Variants in STAT3 observed in about 807,000 individuals in gnomAD.
STAT3 encodes DNA-binding protein APRF.
Under a neutral mutation model 114.3 loss-of-function variants are expected in STAT3, and 7 were observed. That is an observed-to-expected ratio of 0.06 (90% CI 0.03 to 0.11). STAT3 has a LOEUF of 0.11. Ranked by LOEUF, STAT3 falls within the 10% of genes least tolerant of loss-of-function variation. STAT3 has a pLI of 1.00. For synonymous variants in STAT3, 331 were observed against 354.5 expected, an observed-to-expected ratio of 0.93 and a Z score of 0.74; for missense variants, 364 against 960.9, an observed-to-expected ratio of 0.38 and a Z score of 8.21.
chr17:42,318,126 C>CTT (rs57273112), intron 21 of STAT3, among the ~76,000 whole-genome samples: 67 of 146,932 alleles, frequency 4.6e-4, no homozygotes, highest in East Asian at 7.9e-4. Context: ...TAATTTTTGT[C>CTT]TTTTTTTTTT....
intron 4 of STAT3, among the ~76,000 whole-genome samples, chr17:42,342,283 G>A (rs2082474137): frequency 6.6e-6 from 1 of 152,088 alleles, no homozygotes; most frequent in South Asian, 2.1e-4. Context: ...AGGAGTTTGA[G>A]ACCAGCCTGG....
chr17:42,318,126 C>CT (rs57273112), intron 21 of STAT3, among the ~76,000 whole-genome samples: 27,497 of 146,776 alleles, frequency 0.19, 2,690 homozygotes, highest in East Asian at 0.36. Context: ...TAATTTTTGT[C>CT]TTTTTTTTTT....
chr17:42,379,442 C>A (rs2084654986), intron 1 of STAT3, among the ~76,000 whole-genome samples: 1 of 152,190 alleles, frequency 6.6e-6, no homozygotes, highest in African/African-American at 2.4e-5. Flanking sequence ...CCAACTAACT[C>A]ATACACATGT....
rs895801743 is a variant in STAT3 at position 42,337,827 on chromosome 17, G to A, written c.581C>T (p.Ser194Leu). ...DMQDLNGNNQ[S>L]VTRQKMQQLE... Reference sequence around the variant, plus strand: ...CTGCTGCATCTTCTGCCTGGTCACTGACTGGTTGTTTCCATTCAGATCTTG... The same window carrying A: ...CTGCTGCATCTTCTGCCTGGTCACTAACTGGTTGTTTCCATTCAGATCTTG... The change falls in exon 7 of 24, where the codon TCA becomes TTA. Residue 194 changes from serine (S) to leucine (L), a missense_variant. By Grantham distance (145) the Ser-to-Leu change is moderately radical. Around this residue, in one of 5 missense-constraint regions of STAT3, gnomAD observed 294 missense variants for 745.1 expected, o/e 0.39. Coordinates refer to ENST00000264657, the MANE Select transcript of STAT3 (RefSeq NM_139276.3). The surrounding 1 kb of genome is among the most constrained non-coding windows in gnomAD (Gnocchi z 4.0). 5.0e-6 allele frequency: 8 copies of A among 1,614,048 alleles called. No individual in the cohort carries two copies. The highest frequency in any genetic ancestry group is 5.9e-6 in the Non-Finnish European group (7 of 1,180,056).
intron 8 of STAT3, 113 bp from the exon 9 acceptor site, chr17:42,334,162 T>A: frequency 6.4e-6 from 8 of 1,256,366 alleles, no homozygotes; most frequent in Non-Finnish European, 9.0e-6. Context: ...GAACAAGGAA[T>A]TTTTTTATTG....
Position 42,324,656 on chromosome 17 carries a change from G to A in STAT3, c.1600+55C>T. On this transcript the variant is annotated intron_variant, in intron 17 of 23. Transcript: ENST00000264657. This position sits in a 1 kb window ranked among gnomAD's most constrained non-coding sequence, Gnocchi z 4.5. Reference sequence around the variant, plus strand: ...ATGGCCCAAATGAACAGCCCTATGGGCCGGATCCCTTTTCTGGGCGGGTGG... The same window carrying A: ...ATGGCCCAAATGAACAGCCCTATGGACCGGATCCCTTTTCTGGGCGGGTGG... The A allele has an allele frequency of 9.2e-6, 14 of 1,521,470 alleles. No homozygotes were observed. Among genetic ancestry groups the A allele is most frequent in the Non-Finnish European group, 1.2e-5 (14 of 1,135,950 alleles). 94.2% of individuals were successfully genotyped at this position (1,521,470 alleles called of 1,614,324 possible).
chr17:42,366,777 A>G (rs771820027), intron 1 of STAT3, among the ~76,000 whole-genome samples: 4 of 151,662 alleles, frequency 2.6e-5, no homozygotes, highest in Non-Finnish European at 4.4e-5. Context: ...TAGCTGGACT[A>G]GGCTAACTGG....
chr17:42,329,497 C>G (rs2144769371), intron 13 of STAT3, 40 bp from the exon 14 acceptor site: 1 of 1,614,204 alleles, frequency 6.2e-7, no homozygotes, highest in South Asian at 1.1e-5. Flanking sequence ...GTGAGGCTCT[C>G]CCTAGCCCTC....
rs17878412 is a variant in STAT3 at position 42,327,464 on chromosome 17, C to T, written c.1282-1265G>A. 3.8e-3 allele frequency among the ~76,000 whole-genome samples: 571 copies of T among 152,214 alleles called. 3 individuals are homozygous for T. Among genetic ancestry groups the T allele is most frequent in the African/African-American group, 0.013 (546 of 41,524 alleles). On this transcript the variant is annotated intron_variant, in intron 14 of 23. Coordinates refer to ENST00000264657, the MANE Select transcript of STAT3 (RefSeq NM_139276.3). ...TGCAGTGTATTCCTTTTCACAGCTG[C>T]GGAGTATTCCATTGTGTCTATACCA...
intron 17 of STAT3, 69 bp from the exon 18 acceptor site, chr17:42,323,694 G>C: frequency 6.9e-7 from 1 of 1,438,964 alleles, no homozygotes; most frequent in Non-Finnish European, 9.7e-7. Context: ...TCTTAAAACA[G>C]AACACACACA....
intron 21 of STAT3, among the ~76,000 whole-genome samples, chr17:42,317,900 C>T (rs1465370609): frequency 6.6e-6 from 1 of 152,176 alleles, no homozygotes; most frequent in Non-Finnish European, 1.5e-5. Context: ...GGTCCAGGTA[C>T]ATCTTCAATA....
intron 14 of STAT3, among the ~76,000 whole-genome samples, chr17:42,327,330 A>G (rs1471878191): frequency 3.3e-5 from 5 of 151,890 alleles, no homozygotes; most frequent in Non-Finnish European, 7.4e-5. Flanking sequence ...CAATGCAGGT[A>G]TTGTTTAGTT....
intron 1 of STAT3, among the ~76,000 whole-genome samples, chr17:42,357,607 G>A (rs2083290577): frequency 1.3e-5 from 2 of 152,120 alleles, no homozygotes; most frequent in South Asian, 4.1e-4. Context: ...GCGAGGCAGA[G>A]GTTGCAGTGA....
At position 42,329,589 on chromosome 17, in the gene STAT3, T is replaced by A. The variant is rs1455469288; in HGVS notation, c.1198A>T (p.Asn400Tyr). 6.2e-7 allele frequency: 1 copy of A among 1,614,276 alleles called. No homozygotes were observed. The highest frequency in any genetic ancestry group is 8.5e-7 in the Non-Finnish European group (1 of 1,180,050). ...AATTCTGCAGAGAGGCTGCCGTTGTTGGATTCTTCCATGTTCATCACTTTT... is the reference window on the plus strand; with the variant it reads ...AATTCTGCAGAGAGGCTGCCGTTGTAGGATTCTTCCATGTTCATCACTTTT... ...NTKVMNMEES[N>Y]NGSLSAEFKH... Residue 400 changes from asparagine to tyrosine, a missense_variant, in exon 13 of 24, where the codon AAC becomes TAC. This residue lies in a region of STAT3 where 294 missense variants were observed against 745.1 expected (regional missense o/e 0.39). Coordinates refer to ENST00000264657, the MANE Select transcript of STAT3 (RefSeq NM_139276.3).
chr17:42,343,669 G>T lies in STAT3; in HGVS notation c.372+1890C>A, dbSNP rs555915002. Among the ~76,000 whole-genome samples, 6 of 151,888 alleles carry T rather than the reference G, an allele frequency of 4.0e-5. No homozygotes were observed. In the South Asian group the frequency reaches 8.4e-4, roughly 21 times the overall value. The stretch of plus-strand genomic sequence containing the variant: ...GGGGTTTCATCATGTTGGCCAGGAT[G>T]GTCTCAATCTCTTGACCTCATGATC... On this transcript the variant is annotated intron_variant, in intron 4 of 23. Coordinates refer to ENST00000264657, the MANE Select transcript of STAT3 (RefSeq NM_139276.3).
chr17:42,322,937 G>C lies in STAT3; in HGVS notation c.1888+67C>G, dbSNP rs1000474706. The stretch of plus-strand genomic sequence containing the variant: ...ACCCACCAGGGGGCAGTAGGTGCTT[G>C]CAACTAGAAGCAGTGATGAGGCCTC... On this transcript the variant is annotated intron_variant, in intron 20 of 23. Transcript: ENST00000264657. 1.9e-6 allele frequency: 3 copies of C among 1,610,688 alleles called. No homozygotes were observed. In the African/African-American group the frequency reaches 4.0e-5, roughly 22 times the overall value.
Position 42,337,712 on chromosome 17 carries a change from C to A in STAT3, c.645+51G>T. On this transcript the variant is annotated intron_variant, in intron 7 of 23. Coordinates refer to ENST00000264657, the MANE Select transcript of STAT3 (RefSeq NM_139276.3). The surrounding 1 kb of genome is among the most constrained non-coding windows in gnomAD (Gnocchi z 4.0). ...AAGTTCTGCCACAAGACGCTGAAAT[C>A]CCGCAAGTGAGCGAGACACATGGGG... 1.2e-6 allele frequency: 2 copies of A among 1,613,708 alleles called. No individual in the cohort carries two copies. Among genetic ancestry groups the A allele is most frequent in the South Asian group, 1.1e-5 (1 of 91,016 alleles).
intron 1 of STAT3, among the ~76,000 whole-genome samples, chr17:42,367,759 A>C (rs551799618): frequency 2.6e-5 from 4 of 152,316 alleles, no homozygotes; most frequent in Admixed American, 6.5e-5. Context: ...CTAGGAACTT[A>C]AGCCCCATAA....
intron 1 of STAT3, among the ~76,000 whole-genome samples, chr17:42,359,317 A>G (rs149420503): frequency 2.9e-4 from 44 of 152,282 alleles, no homozygotes; most frequent in African/African-American, 9.9e-4. Flanking sequence ...GTTAAGTGTG[A>G]TAATCACTAA....
Sources: gnomAD v4.1 joint callset for allele counts (sites outside exome capture counted in the v4.1 genomes callset) on GRCh38, gnomAD v4.1.1 for gene constraint, gnomAD v4.1.1 regional missense constraint, Gnocchi (gnomAD v3.1) non-coding constraint, MANE v1.5 for transcripts, NCBI Gene and HGNC (gene_info 2026-07-23, HGNC 2026-07-21) for gene names.